TANGO2: variants seen among roughly 807,000 people sequenced by gnomAD.
TANGO2 encodes transport and golgi organization 2 homolog.
TANGO2 carries 26 observed loss-of-function variants against 39.1 expected under a neutral mutation model. That is an observed-to-expected ratio of 0.67 (90% CI 0.49 to 0.92). The LOEUF is 0.92. TANGO2 is among the 40% of genes least tolerant of loss of function. TANGO2 has a pLI of 0.00. For synonymous variants in TANGO2, 131 were observed against 144.5 expected (o/e 0.91, Z 0.67); for missense variants, 326 against 360.1 (o/e 0.91, Z 0.77).
At chr22:20,024,473 C>T (rs538227732) in intron 1 of TANGO2, among the ~76,000 whole-genome samples, 62 of 152,344 alleles carry the variant, frequency 4.1e-4, no homozygotes, top group Non-Finnish European at 4.1e-4. Context: ...CTCGTGCTTT[C>T]AAGCTCTGCC....
intron 3 of TANGO2, among the ~76,000 whole-genome samples, chr22:20,050,246 A>C (rs559763885): frequency 6.6e-6 from 1 of 152,194 alleles, no homozygotes; most frequent in Admixed American, 6.6e-5. Context: ...TGAATCTTTC[A>C]GTGAATATGC....
At chr22:20,048,645 AT>A (rs968190210) in intron 3 of TANGO2, among the ~76,000 whole-genome samples, 2,004 of 146,590 alleles carry the variant, frequency 0.014, 33 homozygotes, top group African/African-American at 0.046. Context: ...GGTGAGCAGA[AT>A]TTTTTTTTTT....
intron 2 of TANGO2, among the ~76,000 whole-genome samples, chr22:20,039,172 G>C (rs2043424542): frequency 6.7e-6 from 1 of 150,354 alleles, no homozygotes; most frequent in Admixed American, 6.6e-5. Context: ...GGGCCCAAGT[G>C]ATCCTCCTGC....
chr22:20,017,082 G>A (rs1200689861), upstream of TANGO2: 1 of 152,016 alleles, frequency 6.6e-6, no homozygotes, highest in African/African-American at 2.4e-5. Flanking sequence ...CCTCCCAGCC[G>A]ACTTACGAGA....
intron 1 of TANGO2, among the ~76,000 whole-genome samples, chr22:20,022,435 A>G (rs1337782376): frequency 6.6e-6 from 1 of 151,788 alleles, no homozygotes; most frequent in African/African-American, 2.4e-5. Context: ...TGGTGCCCCC[A>G]CCCCCTTTGA....
intron 3 of TANGO2, 97 bp from the exon 4 acceptor site, chr22:20,052,368 C>A: frequency 1.3e-6 from 2 of 1,505,530 alleles, no homozygotes; most frequent in South Asian, 1.3e-5. Flanking sequence ...GAGCTTGAGG[C>A]AGGAGCTGGG....
In TANGO2 at chr22:20,057,993, C is replaced by T. The variant is rs2047680692; in HGVS notation, c.451+1980C>T. Reference sequence around the variant, plus strand: ...ACTTATTTCTGTCTACATCCTGCCTCATCCCTGAGCCTGCCCCACCTGGTC... The same window carrying T: ...ACTTATTTCTGTCTACATCCTGCCTTATCCCTGAGCCTGCCCCACCTGGTC... On this transcript the variant is annotated intron_variant, in intron 6 of 8. Coordinates refer to ENST00000327374, the MANE Select transcript of TANGO2 (RefSeq NM_152906.7). This position sits in a 1 kb window ranked among gnomAD's most constrained non-coding sequence, Gnocchi z 4.1. 6.6e-6 allele frequency: 1 copy of T among 151,502 alleles called. No homozygotes were observed. The highest frequency in any genetic ancestry group is 2.1e-4 in the South Asian group (1 of 4,800). 9.4% of individuals were successfully genotyped at this position (151,502 alleles called of 1,614,324 possible). A position where few individuals can be genotyped will look rare whatever the true frequency, so the allele number is the denominator to read the frequency against.
rs1217461093 is a variant in TANGO2 at position 20,057,698 on chromosome 22, A to C, written c.451+1685A>C. ...CCACCTGCCCCAGAACCTCCGCATC[A>C]GTTGAGGGTCGTGGGGTTGGAATGT... On this transcript the variant is annotated intron_variant, in intron 6 of 8. Transcript: ENST00000327374. This position sits in a 1 kb window ranked among gnomAD's most constrained non-coding sequence, Gnocchi z 4.1. Among the ~76,000 whole-genome samples, 1 of 152,192 alleles carries C rather than the reference A, an allele frequency of 6.6e-6. No individual in the cohort carries two copies. Among genetic ancestry groups the C allele is most frequent in the Non-Finnish European group, 1.5e-5 (1 of 68,036 alleles).
chr22:20,024,355 C>A (rs996113066), intron 1 of TANGO2, among the ~76,000 whole-genome samples: 1 of 152,216 alleles, frequency 6.6e-6, no homozygotes, highest in African/African-American at 2.4e-5. Flanking sequence ...CTTTCTTCGC[C>A]CAGGCCCCGT....
chr22:20,026,358 G>T (rs539521535), intron 1 of TANGO2, among the ~76,000 whole-genome samples: 1 of 151,174 alleles, frequency 6.6e-6, no homozygotes, highest in African/African-American at 2.4e-5. Flanking sequence ...AGATCGCGCC[G>T]TTGAACTCCA....
chr22:20,059,981 G>T lies in TANGO2; in HGVS notation c.452-1549G>T, dbSNP rs148845525. On this transcript the variant is annotated intron_variant, in intron 6 of 8. Transcript: ENST00000327374. ...AACTATTTTTTTTTTTTTGAGACAGGGTCTGGCTCTGTCACCCAGGCTGGA... is the reference window on the plus strand; with the variant it reads ...AACTATTTTTTTTTTTTTGAGACAGTGTCTGGCTCTGTCACCCAGGCTGGA... Among the ~76,000 whole-genome samples the T allele has an allele frequency of 8.8e-3, 1,331 of 151,128 alleles. 22 individuals carry two copies. The highest frequency in any genetic ancestry group is 0.031 in the African/African-American group (1,259 of 41,198).
At chr22:20,056,305 C>T (rs767615644) in intron 6 of TANGO2, 13 of 625,104 alleles carry the variant, frequency 2.1e-5, no homozygotes, top group Non-Finnish European at 3.6e-5. Flanking sequence ...GCCTCACTTC[C>T]TGTGCCGTCC....
At chr22:20,054,013 C>A (rs983422479) in intron 5 of TANGO2, 1 of 323,092 alleles carries the variant, frequency 3.1e-6, no homozygotes, top group Non-Finnish European at 6.1e-6. Flanking sequence ...CCTCCTCCCC[C>A]TCCAAAGCCC....
At chr22:20,051,150 C>T (rs190474717) in intron 3 of TANGO2, among the ~76,000 whole-genome samples, 29 of 151,744 alleles carry the variant, frequency 1.9e-4, no homozygotes, top group Admixed American at 6.6e-4. Context: ...TGTGAGTCAC[C>T]GCACGGGGCC....
At chr22:20,038,940 T>G (rs2147133587) in intron 2 of TANGO2, among the ~76,000 whole-genome samples, 1 of 150,528 alleles carries the variant, frequency 6.6e-6, no homozygotes, top group South Asian at 2.1e-4. Context: ...TTTTTTTTAT[T>G]ATTATTATTA....
chr22:20,056,314 C>T (rs2047336267), intron 6 of TANGO2: 1 of 609,702 alleles, frequency 1.6e-6, no homozygotes, highest in African/African-American at 1.8e-5. Context: ...CCTGTGCCGT[C>T]CCAGTGTGCC....
At chr22:20,030,277 C>T (rs2041601749) in intron 1 of TANGO2, among the ~76,000 whole-genome samples, 1 of 151,680 alleles carries the variant, frequency 6.6e-6, no homozygotes, top group Non-Finnish European at 1.5e-5. Context: ...AAGTGATTCT[C>T]CTGCCTCAGC....
Position 20,043,457 on chromosome 22 carries a change from C to A in TANGO2, c.145+14C>A, listed in dbSNP as rs446388. ...AGATCCTCAGTGGTGAGTCTTCCTG[C>A]GTGCTCAGCGGTGGCTGCGCCTTGT... is the stretch of plus-strand genomic sequence containing the variant. On this transcript the variant is annotated intron_variant, in intron 3 of 8. Coordinates refer to ENST00000327374, the MANE Select transcript of TANGO2 (RefSeq NM_152906.7). The A allele has an allele frequency of 2.5e-6, 4 of 1,593,292 alleles. No homozygotes were observed. Among genetic ancestry groups the A allele is most frequent in the Admixed American group, 3.4e-5 (2 of 59,498 alleles).
At chr22:20,018,507 A>T (rs1945360923), upstream of TANGO2, among the ~76,000 whole-genome samples, 1 of 152,202 alleles carries the variant, frequency 6.6e-6, no homozygotes, top group Admixed American at 6.5e-5. Context: ...GTTACCTCAT[A>T]GTCCTGCACC....
Sources: gnomAD v4.1 joint callset for allele counts (sites outside exome capture counted in the v4.1 genomes callset) on GRCh38, gnomAD v4.1.1 for gene constraint, Gnocchi (gnomAD v3.1) non-coding constraint, MANE v1.5 for transcripts, NCBI Gene and HGNC (gene_info 2026-07-23, HGNC 2026-07-21) for gene names.